Variants in GAD2 observed in about 807,000 individuals in gnomAD.
The protein encoded by GAD2 is 65 kDa glutamic acid decarboxylase.
A neutral mutation model predicts 80.1 loss-of-function variants in GAD2; 22 were observed. The observed-to-expected ratio is 0.27, with a 90% CI of 0.20 to 0.39. The LOEUF (loss-of-function observed/expected upper bound fraction) is 0.39. GAD2 is among the 10% of genes least tolerant of loss of function. The pLI, the probability that GAD2 is intolerant of heterozygous loss-of-function variation, is 1.00. For missense variants in GAD2, 624 were observed against 738.4 expected (o/e 0.85, Z 1.80); for synonymous variants, 274 against 256.9 (o/e 1.07, Z -0.64).
chr10:26,224,464 T>G (rs1289210791), intron 5 of GAD2, 75 bp from the exon 6 acceptor site: 34 of 883,428 alleles, frequency 3.8e-5, no homozygotes, highest in Admixed American at 5.4e-5. Flanking sequence ...AGGAAATAGT[T>G]CTGTAGCTAT....
intron 8 of GAD2, among the ~76,000 whole-genome samples, chr10:26,252,090 G>T (rs934837250): frequency 6.6e-6 from 1 of 152,154 alleles, no homozygotes; most frequent in East Asian, 1.9e-4. Context: ...CCCGTAATGC[G>T]CTTTGTAAAG....
chr10:26,252,339 TTTTTTTTC>T (rs1244036581), intron 8 of GAD2, among the ~76,000 whole-genome samples: 1 of 151,436 alleles, frequency 6.6e-6, no homozygotes, highest in Non-Finnish European at 1.5e-5. Context: ...CGAGGTACAT[TTTTTTTTC>T]TTTTTTTCTT....
chr10:26,259,551 A>G (rs1844985249), intron 8 of GAD2, among the ~76,000 whole-genome samples: 1 of 151,026 alleles, frequency 6.6e-6, no homozygotes, highest in African/African-American at 2.4e-5. Flanking sequence ...GGTCTTTTGG[A>G]TTGGTTTTGT....
At position 26,292,560 on chromosome 10, in the gene GAD2, G is replaced by A. The variant is rs1422139298; in HGVS notation, c.1482G>A (p.Val494=). The A allele has an allele frequency of 2.5e-6, 4 of 1,610,732 alleles. No homozygotes were observed. The highest frequency in any genetic ancestry group is 3.4e-6 in the Non-Finnish European group (4 of 1,177,068). ...AAAACCGAGAAGGATATGAGATGGT[G>A]TTTGATGGGAAGGTATGTATTTGGA... is the stretch of plus-strand genomic sequence containing the variant. ...IIKNREGYEM[V]FDGKPQHTNV... The change falls in exon 14 of 16, where the codon GTG becomes GTA. Residue 494 remains valine, a synonymous_variant. Transcript: ENST00000376261.
intron 9 of GAD2, 69 bp from the exon 10 acceptor site, chr10:26,270,571 T>C (rs1179621654): frequency 5.3e-6 from 6 of 1,138,652 alleles, no homozygotes; most frequent in Non-Finnish European, 8.0e-6. Flanking sequence ...TTTCCATTGC[T>C]TTGAATCAGC....
intron 6 of GAD2, among the ~76,000 whole-genome samples, chr10:26,227,168 T>A (rs1455543754): frequency 1.3e-5 from 2 of 152,120 alleles, no homozygotes; most frequent in African/African-American, 4.8e-5. Flanking sequence ...AATTTTTGTA[T>A]GTTTAGTAGA....
chr10:26,221,793 G>T (rs1315927652), intron 4 of GAD2, among the ~76,000 whole-genome samples: 1 of 152,230 alleles, frequency 6.6e-6, no homozygotes, highest in Non-Finnish European at 1.5e-5. Flanking sequence ...GGCTGCATAG[G>T]CTGTGTGGCC....
At chr10:26,278,289 A>G (rs568277440) in intron 11 of GAD2, among the ~76,000 whole-genome samples, 2 of 152,402 alleles carry the variant, frequency 1.3e-5, no homozygotes, top group African/African-American at 4.8e-5. Context: ...GATGGAATGT[A>G]TAGAATGGCC....
chr10:26,281,092 G>A lies in GAD2; in HGVS notation c.1236+5G>A, dbSNP rs1309011523. 5.0e-6 allele frequency: 8 copies of A among 1,603,184 alleles called. No homozygotes were observed. The African/African-American group carries it at 6.7e-5, about 13-fold the overall frequency. ...GCTCTCCTGGTTAGAGAAGAGGTAT[G>A]TCTCTCTTGACTCTGTGTCCCAGTC... On this transcript the variant is annotated splice_donor_5th_base_variant and intron_variant, in intron 12 of 15. Transcript: ENST00000376261.
intron 15 of GAD2, 111 bp from the exon 16 acceptor site, chr10:26,300,677 A>T: frequency 1.1e-6 from 1 of 910,628 alleles, no homozygotes; most frequent in Non-Finnish European, 1.7e-6. Flanking sequence ...AGAAAACAAT[A>T]AGGTTCTGAC....
At chr10:26,253,194 A>T (rs895152815) in intron 8 of GAD2, among the ~76,000 whole-genome samples, 7 of 152,234 alleles carry the variant, frequency 4.6e-5, no homozygotes, top group Admixed American at 1.3e-4. Flanking sequence ...GATGTGAAGC[A>T]TTATAACTAA....
At chr10:26,264,820 A>G (rs1032213464) in intron 8 of GAD2, among the ~76,000 whole-genome samples, 1 of 152,184 alleles carries the variant, frequency 6.6e-6, no homozygotes, top group Non-Finnish European at 1.5e-5. Context: ...GGATGTACGC[A>G]TACTTTCTTC....
chr10:26,222,422 G>A (rs931172670), intron 4 of GAD2, among the ~76,000 whole-genome samples: 1 of 152,118 alleles, frequency 6.6e-6, no homozygotes, highest in Admixed American at 6.5e-5. Flanking sequence ...TAGGGAAAGA[G>A]AAATGAAGGA....
At chr10:26,266,095 T>C (rs956668027) in intron 8 of GAD2, among the ~76,000 whole-genome samples, 9 of 152,260 alleles carry the variant, frequency 5.9e-5, no homozygotes, top group Non-Finnish European at 1.2e-4. Context: ...GGGTGACTGA[T>C]GAACATGCAA....
chr10:26,217,348 T>A lies in GAD2; in HGVS notation c.77-262T>A, dbSNP rs1844387428. On this transcript the variant is annotated intron_variant, in intron 1 of 15. Transcript: ENST00000376261. The surrounding 1 kb of genome is among the most constrained non-coding windows in gnomAD (Gnocchi z 4.9). ...AGGTAGGCAGGGAGAGGAATTTGCC[T>A]GAGCCGATTGGCACCTGGAAGGGCA... 3.3e-5 allele frequency among the ~76,000 whole-genome samples: 5 copies of A among 152,308 alleles called. No homozygotes were observed. Among genetic ancestry groups the A allele is most frequent in the Admixed American group, 3.3e-4 (5 of 15,306 alleles).
At chr10:26,228,185 A>G (rs1195678712) in intron 6 of GAD2, among the ~76,000 whole-genome samples, 2 of 152,212 alleles carry the variant, frequency 1.3e-5, no homozygotes, top group African/African-American at 2.4e-5. Context: ...CCATCCCAGC[A>G]TATTAATTTG....
At chr10:26,293,257 A>C (rs914646417) in intron 15 of GAD2, among the ~76,000 whole-genome samples, 2 of 136,298 alleles carry the variant, frequency 1.5e-5, no homozygotes, top group African/African-American at 5.7e-5. Context: ...AGCTCACTGC[A>C]TCCTCCACCT....
rs1286289548 is a variant in GAD2, at chr10:26,303,384, T to G, written c.*2423T>G. On this transcript the variant is annotated 3_prime_UTR_variant, in exon 16 of 16. Transcript: ENST00000376261. ...CAAATAAAAGCCTAGTAGGTCCCAG[T>G]AGTTTAATAAATCATCTTGAAAGGA... The G allele has an allele frequency of 1.4e-5, 2 of 147,068 alleles. No homozygotes were observed. Among genetic ancestry groups the G allele is most frequent in the Non-Finnish European group, 3.0e-5 (2 of 67,282 alleles). 9.1% of individuals were successfully genotyped at this position (147,068 alleles called of 1,614,324 possible).
chr10:26,280,970 G>A (rs1564670081), intron 11 of GAD2, 39 bp from the exon 12 acceptor site: 4 of 1,484,292 alleles, frequency 2.7e-6, no homozygotes, highest in Non-Finnish European at 3.8e-6. Context: ...AGCCTGTCAG[G>A]GTGGAGTGCC....
Sources: allele counts gnomAD v4.1 joint callset (sites outside exome capture counted in the v4.1 genomes callset), GRCh38; gene constraint gnomAD v4.1.1; non-coding constraint Gnocchi (gnomAD v3.1); transcripts MANE v1.5; gene names NCBI Gene and HGNC (gene_info 2026-07-23, HGNC 2026-07-21).